Variants in COL11A1 observed in about 807,000 individuals in gnomAD.
COL11A1 encodes the protein collagen alpha-1(XI) chain.
Under a neutral mutation model 265.2 loss-of-function variants are expected in COL11A1, and 74 were observed. The ratio of observed to expected loss-of-function variants is 0.28; its 90% CI spans 0.23 to 0.34. The LOEUF (loss-of-function observed/expected upper bound fraction) is 0.34, where lower values mean the gene tolerates loss of function less well. Among genes scored for constraint, COL11A1 ranks in the 10% least tolerant of loss-of-function variants. The pLI is 1.00. For missense variants in COL11A1, 2,165 were observed against 2,263.6 expected (o/e 0.96, Z 0.88); for synonymous variants, 816 against 727.6 (o/e 1.12, Z -1.96).
intron 4 of COL11A1, among the ~76,000 whole-genome samples, chr1:103,070,209 AAAT>A (rs140020554): frequency 0.58 from 82,613 of 143,194 alleles, 24,198 homozygotes; most frequent in East Asian, 0.9. Context: ...CTACTCAGCA[AAAT>A]AATAATAATA....
chr1:103,018,783 A>C (rs774297401), intron 10 of COL11A1, 35 bp downstream of exon 10: 2 of 1,557,876 alleles, frequency 1.3e-6, no homozygotes, highest in African/African-American at 1.4e-5. Context: ...TGATTACTTT[A>C]AATAGACAAA....
rs1044779056 is a variant in COL11A1 at position 103,056,054 on chromosome 1, A to G, written c.651+18564T>C. Among the ~76,000 whole-genome samples the G allele has an allele frequency of 4.6e-5, 7 of 152,122 alleles. No individual in the cohort carries two copies. In the South Asian group the frequency reaches 8.3e-4, roughly 18 times the overall value. ...TACAGGTATAACTTACTTGTGTTTTATTTTGTTTTGTTTTTGTTTTTGTTT... is the reference window on the plus strand; with the variant it reads ...TACAGGTATAACTTACTTGTGTTTTGTTTTGTTTTGTTTTTGTTTTTGTTT... On this transcript the variant is annotated intron_variant, in intron 4 of 66. Transcript: ENST00000370096.
chr1:103,086,719 A>T (rs1222432937), intron 1 of COL11A1, among the ~76,000 whole-genome samples: 3 of 152,104 alleles, frequency 2.0e-5, no homozygotes, highest in Non-Finnish European at 4.4e-5. Flanking sequence ...CCCGGCAACA[A>T]CGTATCTTTT....
At chr1:102,900,218 A>G (rs1395817041) in intron 54 of COL11A1, among the ~76,000 whole-genome samples, 1 of 152,146 alleles carries the variant, frequency 6.6e-6, no homozygotes, top group Non-Finnish European at 1.5e-5. Flanking sequence ...AAGATAAAAA[A>G]TGTATAAATT....
chr1:103,054,470 A>G (rs139728377), intron 4 of COL11A1, among the ~76,000 whole-genome samples: 110 of 152,218 alleles, frequency 7.2e-4, no homozygotes, highest in Non-Finnish European at 1.4e-3. Context: ...AAAATAATAA[A>G]CTATAAACCT....
intron 3 of COL11A1, 44 bp from the exon 4 acceptor site, chr1:103,074,824 T>C (rs767244170): frequency 3.1e-6 from 5 of 1,603,566 alleles, no homozygotes; most frequent in African/African-American, 1.3e-5. Context: ...AAAGAAACAG[T>C]GGTTGCCAAA....
chr1:102,962,701 AG>A lies in COL11A1; in HGVS notation c.2975del (p.Pro992LeufsTer52). The A allele has an allele frequency of 6.2e-7, 1 of 1,614,136 alleles. No individual in the cohort carries two copies. ...CACCAGGAAGACCTTGCTCACCAGGAGGGCCAGGAGGGCCAGGATGCCCACG... is the reference window on the plus strand; with the variant it reads ...CACCAGGAAGACCTTGCTCACCAGGAGGCCAGGAGGGCCAGGATGCCCACG... ...GERGHPGPPGPPGEQGLPGAA... is the reference protein window; with the variant it reads ...GERGHPGPPGXPGEQGLPGAA... On this transcript the variant is annotated frameshift_variant, in exon 39 of 67. Transcript: ENST00000370096. LOFTEE classifies it high-confidence loss of function.
chr1:103,102,742 C>T (rs182648989), intron 1 of COL11A1, among the ~76,000 whole-genome samples: 7 of 152,090 alleles, frequency 4.6e-5, no homozygotes, highest in African/African-American at 1.7e-4. Flanking sequence ...TCCATATTTA[C>T]ATAAAATGGT....
chr1:102,961,887 G>A lies in COL11A1; in HGVS notation c.3147C>T (p.Pro1049=). The A allele has an allele frequency of 4.3e-6, 7 of 1,613,202 alleles. No individual in the cohort carries two copies. The highest frequency in any genetic ancestry group is 5.9e-6 in the Non-Finnish European group (7 of 1,179,598). ...GAPGLKGGEG[P]QGPPGPVGSP... The stretch of plus-strand genomic sequence containing the variant: ...TTACAACTGGACCTGGTGGGCCCTG[G>A]GGACCTTCCCCTCCTTTCAGTCCAG... Residue 1049 remains proline (P), a synonymous_variant, in exon 41 of 67, where the codon CCC becomes CCT. Transcript: ENST00000370096.
In COL11A1 at chr1:103,071,466, A is replaced by C. The variant is rs999029274; in HGVS notation, c.651+3152T>G. 1.9e-4 allele frequency among the ~76,000 whole-genome samples: 17 copies of C among 89,112 alleles called. 1 individual carries two copies. The highest frequency in any genetic ancestry group is 7.4e-4 in the African/African-American group (16 of 21,560). 58.5% of individuals were successfully genotyped at this position (89,112 alleles called of 152,430 possible). ...AAGGCTGTTGATTTGTGTTGGTAGG[A>C]CTTTTTTTTTTTTTTTTTTTTTTTT... On this transcript the variant is annotated intron_variant, in intron 4 of 66. Coordinates refer to ENST00000370096, the MANE Select transcript of COL11A1 (RefSeq NM_001854.4).
In COL11A1 at chr1:102,961,931, G is replaced by GA. The variant is rs751277225; in HGVS notation, c.3115-13dup. 6 of 1,610,530 alleles carry GA rather than the reference G, an allele frequency of 3.7e-6. No homozygotes were observed. Among genetic ancestry groups the GA allele is most frequent in the Admixed American group, 1.7e-5 (1 of 59,644 alleles). ...AGTCCAGGTGCACCCTGGGAAAAGT[G>GA]AAAAAAATAAAGAAAATGAATCCAT... On this transcript the variant is annotated splice_polypyrimidine_tract_variant and intron_variant, in intron 40 of 66. Coordinates refer to ENST00000370096, the MANE Select transcript of COL11A1 (RefSeq NM_001854.4).
chr1:102,959,726 C>G (rs1453947836), intron 41 of COL11A1, among the ~76,000 whole-genome samples: 1 of 152,142 alleles, frequency 6.6e-6, no homozygotes, highest in Non-Finnish European at 1.5e-5. Flanking sequence ...TAATGTTATT[C>G]TACATGTAAC....
intron 64 of COL11A1, 30 bp from the exon 65 acceptor site, chr1:102,881,795 G>T (rs1410497818): frequency 6.4e-7 from 1 of 1,558,356 alleles, no homozygotes; most frequent in Non-Finnish European, 8.8e-7. Flanking sequence ...AAGTTAGTGA[G>T]TAGGTGAAAA....
intron 1 of COL11A1, among the ~76,000 whole-genome samples, chr1:103,104,083 G>A (rs1674504521): frequency 6.6e-6 from 1 of 151,976 alleles, no homozygotes; most frequent in Non-Finnish European, 1.5e-5. Flanking sequence ...AGATTGATTA[G>A]CAATTTCTAT....
chr1:102,932,144 G>A lies in COL11A1; in HGVS notation c.3600+2305C>T, dbSNP rs1253212282. ...ATTTGATCCTGTCATTATGATGTTA[G>A]CTGGTTATTTTGCTCGTTAGTTGAT... On this transcript the variant is annotated intron_variant, in intron 46 of 66. Coordinates refer to ENST00000370096, the MANE Select transcript of COL11A1 (RefSeq NM_001854.4). Among the ~76,000 whole-genome samples the A allele has an allele frequency of 2.2e-4, 34 of 151,202 alleles. 1 individual carries two copies. The highest frequency in any genetic ancestry group is 8.8e-5 in the Non-Finnish European group (6 of 67,846).
At chr1:103,072,488 T>A (rs1008288824) in intron 4 of COL11A1, among the ~76,000 whole-genome samples, 1 of 151,872 alleles carries the variant, frequency 6.6e-6, no homozygotes, top group African/African-American at 2.4e-5. Flanking sequence ...CAGTACAATT[T>A]CTATCTCCTG....
chr1:103,060,458 AATTG>A (rs1276157452), intron 4 of COL11A1, among the ~76,000 whole-genome samples: 1 of 152,172 alleles, frequency 6.6e-6, no homozygotes, highest in African/African-American at 2.4e-5. Context: ...TATTATTATT[AATTG>A]ATCTAAGGTA....
intron 1 of COL11A1, among the ~76,000 whole-genome samples, chr1:103,106,577 ACT>A (rs1432064045): frequency 1.3e-5 from 2 of 152,192 alleles, no homozygotes; most frequent in Non-Finnish European, 2.9e-5. Flanking sequence ...TAAAATACAA[ACT>A]TTTTGATGGA....
At chr1:102,914,498 C>CA in intron 51 of COL11A1, 93 bp from the exon 52 acceptor site, 1 of 1,234,308 alleles carries the variant, frequency 8.1e-7, no homozygotes, top group Non-Finnish European at 1.1e-6. Flanking sequence ...AAAGTCATGA[C>CA]AAAACCTGCT....
Sources: allele counts gnomAD v4.1 joint callset (sites outside exome capture counted in the v4.1 genomes callset), GRCh38; gene constraint gnomAD v4.1.1; transcripts MANE v1.5; gene names NCBI Gene and HGNC (gene_info 2026-07-23, HGNC 2026-07-21).